Variants in TBCD observed in about 807,000 individuals in gnomAD.
TBCD encodes the protein tubulin-specific chaperone D.
Under a neutral mutation model 169.3 loss-of-function variants are expected in TBCD, and 105 were observed. The ratio of observed to expected loss-of-function variants is 0.62; its 90% CI spans 0.53 to 0.73. The LOEUF (loss-of-function observed/expected upper bound fraction) is 0.73. Among genes scored for constraint, TBCD ranks in the 30% least tolerant of loss-of-function variants. The pLI is 0.00. For missense variants in TBCD, 1,444 were observed against 1,600.1 expected (o/e 0.90, Z 1.66); for synonymous variants, 700 against 643.9 (o/e 1.09, Z -1.32).
intron 17 of TBCD, among the ~76,000 whole-genome samples, chr17:82,896,812 C>T (rs957985587): frequency 2.6e-5 from 4 of 152,104 alleles, no homozygotes; most frequent in African/African-American, 7.2e-5. Flanking sequence ...GATGGTGCCA[C>T]GCGCCCCCGG....
At chr17:82,886,653 C>T (rs1599225648) in intron 15 of TBCD, among the ~76,000 whole-genome samples, 1 of 1,684 alleles carries the variant, frequency 5.9e-4, no homozygotes, top group Non-Finnish European at 2.0e-3. Flanking sequence ...CCCCTCCCCT[C>T]CCCTCCCCTC....
At chr17:82,830,730 G>A in intron 13 of TBCD, 1 of 1,614,068 alleles carries the variant, frequency 6.2e-7, no homozygotes, top group Non-Finnish European at 8.5e-7. Context: ...ACGTGGGTTC[G>A]TGGGTGGCTG....
chr17:82,804,558 T>C (rs2050813228), intron 9 of TBCD, among the ~76,000 whole-genome samples: 1 of 152,222 alleles, frequency 6.6e-6, no homozygotes, highest in Admixed American at 6.5e-5. Flanking sequence ...TGTGCTTCCA[T>C]GCTCCTCATG....
Position 82,832,343 on chromosome 17 carries a change from A to T in TBCD, c.1318+17409A>T, listed in dbSNP as rs1222686447. On this transcript the variant is annotated intron_variant, in intron 13 of 38. Transcript: ENST00000355528. The surrounding 1 kb of genome is among the most constrained non-coding windows in gnomAD (Gnocchi z 4.9). ...TACTTCATGTGATTAAAAAGATGTGACTTCTCATTGCAAGTAAAGGGACAT... is the reference window on the plus strand; with the variant it reads ...TACTTCATGTGATTAAAAAGATGTGTCTTCTCATTGCAAGTAAAGGGACAT... 6.2e-7 allele frequency: 1 copy of T among 1,614,004 alleles called. No homozygotes were observed. The highest frequency in any genetic ancestry group is 1.3e-5 in the African/African-American group (1 of 74,888).
chr17:82,796,930 C>T (rs543432041), intron 7 of TBCD, among the ~76,000 whole-genome samples: 6 of 152,294 alleles, frequency 3.9e-5, no homozygotes, highest in South Asian at 2.1e-4. Context: ...GTGTGGTGGG[C>T]GACAGCAGGA....
intron 7 of TBCD, 90 bp from the exon 8 acceptor site, chr17:82,797,667 A>G: frequency 1.0e-6 from 1 of 979,430 alleles, no homozygotes; most frequent in South Asian, 1.6e-5. Flanking sequence ...AAATTCTGAA[A>G]GATGTGATGA....
intron 13 of TBCD, among the ~76,000 whole-genome samples, chr17:82,845,338 C>G (rs1358074867): frequency 6.6e-6 from 1 of 151,376 alleles, no homozygotes; most frequent in African/African-American, 2.4e-5. Flanking sequence ...TCTGTCCTGT[C>G]TGGCCTGGCC....
chr17:82,890,005 G>A lies in TBCD; in HGVS notation c.1563+308G>A, dbSNP rs1473084479. Reference sequence around the variant, plus strand: ...GGGACCAGCCTGGCCTTGCGGGGACGCAGACCTGACCCCGCCTCATCCCAC... The same window carrying A: ...GGGACCAGCCTGGCCTTGCGGGGACACAGACCTGACCCCGCCTCATCCCAC... On this transcript the variant is annotated intron_variant, in intron 16 of 38. Transcript: ENST00000355528. This position sits in a 1 kb window ranked among gnomAD's most constrained non-coding sequence, Gnocchi z 5.3. 2.0e-5 allele frequency among the ~76,000 whole-genome samples: 3 copies of A among 152,178 alleles called. No individual in the cohort carries two copies. Among genetic ancestry groups the A allele is most frequent in the Non-Finnish European group, 2.9e-5 (2 of 68,016 alleles).
intron 13 of TBCD, among the ~76,000 whole-genome samples, chr17:82,851,438 G>C (rs748417067): frequency 2.4e-4 from 36 of 152,132 alleles, no homozygotes; most frequent in Non-Finnish European, 4.4e-4. Context: ...AGCCAAGAAG[G>C]GTTTTCACAT....
rs1294647915 is a variant in TBCD at position 82,932,682 on chromosome 17, G to T, written c.3138G>T (p.Thr1046=). 3 of 1,613,638 alleles carry T rather than the reference G, an allele frequency of 1.9e-6. No individual in the cohort carries two copies. Among genetic ancestry groups the T allele is most frequent in the East Asian group, 2.2e-5 (1 of 44,890 alleles). ...GGGTGTCCGTGCCGCTGCTGAAGACGCTGGACCACGTGCTCACCCACGGCT... is the reference window on the plus strand; with the variant it reads ...GGGTGTCCGTGCCGCTGCTGAAGACTCTGGACCACGTGCTCACCCACGGCT... ...NERVSVPLLK[T]LDHVLTHGCF... is the part of the protein sequence containing the mutation. Residue 1046 remains threonine (T), a synonymous_variant, in exon 34 of 39, where the codon ACG becomes ACT. Transcript: ENST00000355528.
chr17:82,848,307 C>T (rs1300795669), intron 13 of TBCD, among the ~76,000 whole-genome samples: 1 of 152,200 alleles, frequency 6.6e-6, no homozygotes, highest in Non-Finnish European at 1.5e-5. Context: ...GCTCCCTCCT[C>T]TCCTGTGCGG....
chr17:82,785,749 G>A (rs978832946), intron 7 of TBCD, among the ~76,000 whole-genome samples: 2 of 146,254 alleles, frequency 1.4e-5, no homozygotes, highest in Admixed American at 6.7e-5. Context: ...AGCGGGAGGG[G>A]GGTCCATGCT....
rs1282933692 is a variant in TBCD, at chr17:82,884,053, G to C, written c.1476-92G>C. The C allele has an allele frequency of 3.1e-6, 4 of 1,278,536 alleles. No homozygotes were observed. Among genetic ancestry groups the C allele is most frequent in the Non-Finnish European group, 4.4e-6 (4 of 905,082 alleles). The allele number at this position is 1,278,536 out of a possible 1,614,324, so 79.2% of individuals were successfully genotyped here. On this transcript the variant is annotated intron_variant, in intron 14 of 38. Transcript: ENST00000355528. The surrounding 1 kb of genome is among the most constrained non-coding windows in gnomAD (Gnocchi z 4.2). ...GCATGTCTGAACCTCAAGTGGGCCT[G>C]AGTCGTGAGAGAAAGGCTTTCTCAT...
chr17:82,840,226 G>C (rs1368292124), intron 13 of TBCD: 1 of 152,262 alleles, frequency 6.6e-6, no homozygotes, highest in African/African-American at 2.4e-5. Flanking sequence ...TCAACTGTCT[G>C]TGAGTGCGGC....
At chr17:82,848,313 T>C (rs1016449056) in intron 13 of TBCD, among the ~76,000 whole-genome samples, 1 of 152,150 alleles carries the variant, frequency 6.6e-6, no homozygotes, top group Non-Finnish European at 1.5e-5. Flanking sequence ...TCCTCTCCTG[T>C]GCGGATTGGC....
chr17:82,937,974 C>CT lies in TBCD; in HGVS notation c.3282-72dup, dbSNP rs376817196. The stretch of plus-strand genomic sequence containing the variant: ...GCTCTGCCCAGGTCTCTGCATGGGC[C>CT]TTTGGGTCCGGGGTTTGCTGGGGTT... On this transcript the variant is annotated intron_variant, in intron 35 of 38. Transcript: ENST00000355528. 2.2e-4 allele frequency: 347 copies of CT among 1,586,660 alleles called. No individual in the cohort carries two copies. In the African/African-American group the frequency reaches 2.6e-3, roughly 12 times the overall value.
At chr17:82,905,257 G>T (rs889637403) in intron 19 of TBCD, among the ~76,000 whole-genome samples, 2 of 152,240 alleles carry the variant, frequency 1.3e-5, no homozygotes, top group African/African-American at 4.8e-5. Flanking sequence ...GGGAAGGCCT[G>T]GGGAGTGTGT....
Position 82,929,488 on chromosome 17 carries a change from G to C in TBCD, c.2979G>C (p.Leu993Phe). The change falls in exon 32 of 39, where the codon TTG becomes TTC. Residue 993 changes from leucine (L) to phenylalanine (F), a missense_variant. Leu to Phe is a conservative substitution (Grantham distance 22). Coordinates refer to ENST00000355528, the MANE Select transcript of TBCD (RefSeq NM_005993.5). The part of the protein sequence containing the change: ...LLGLVVSLGG[L>F]TESTIRHSTQ... ...GGCTAGTCGTGTCCCTGGGCGGCTT[G>C]ACGGAGTCGACGGTGAGGAGGCGTC... The C allele has an allele frequency of 1.2e-6, 2 of 1,606,498 alleles. No individual in the cohort carries two copies. Among genetic ancestry groups the C allele is most frequent in the Non-Finnish European group, 1.7e-6 (2 of 1,179,854 alleles).
Position 82,938,070 on chromosome 17 carries a change from C to T in TBCD, c.3303C>T (p.Phe1101=), listed in dbSNP as rs1203890938. ...GCAGGTTCTGCGAGATGGTGCAGTT[C>T]CCCGGCGACGTGAGGAGGCAGGCCC... is the stretch of plus-strand genomic sequence containing the variant. ...GIAVFCEMVQ[F]PGDVRRQALL... is the part of the protein sequence containing the mutation. Residue 1101 remains phenylalanine, a synonymous_variant, in exon 36 of 39, where the codon TTC becomes TTT. Transcript: ENST00000355528. 3 of 1,613,068 alleles carry T rather than the reference C, an allele frequency of 1.9e-6. No homozygotes were observed. Among genetic ancestry groups the T allele is most frequent in the East Asian group, 4.5e-5 (2 of 44,866 alleles).
Sources: allele counts gnomAD v4.1 joint callset (sites outside exome capture counted in the v4.1 genomes callset), GRCh38; gene constraint gnomAD v4.1.1; non-coding constraint Gnocchi (gnomAD v3.1); transcripts MANE v1.5; gene names NCBI Gene and HGNC (gene_info 2026-07-23, HGNC 2026-07-21).